KSR2: variants seen among roughly 807,000 people sequenced by gnomAD.
KSR2 encodes kinase suppressor of ras 2.
A neutral mutation model predicts 107.8 loss-of-function variants in KSR2; 25 were observed. That is an observed-to-expected ratio of 0.23 (90% CI 0.17 to 0.32). The LOEUF is 0.32. KSR2 is among the 10% of genes least tolerant of loss of function. KSR2 has a pLI of 1.00. For synonymous variants in KSR2, 480 were observed against 507.0 expected (o/e 0.95, Z 0.71); for missense variants, 887 against 1,268.9 (o/e 0.70, Z 4.57).
chr12:117,618,666 C>T (rs1463685560), intron 5 of KSR2, among the ~76,000 whole-genome samples: 1 of 152,082 alleles, frequency 6.6e-6, no homozygotes, highest in Admixed American at 6.6e-5. Flanking sequence ...CTCATAAGAT[C>T]TGATGGTTTT....
chr12:117,686,566 A>ATAAAAAAGCTCATTGTCATCTGGAT (rs1340856184), intron 4 of KSR2, among the ~76,000 whole-genome samples: 2 of 152,078 alleles, frequency 1.3e-5, no homozygotes, highest in Non-Finnish European at 2.9e-5. Context: ...TAACACCTGG[A>ATAAAAAAGCTCATTGTCATCTGGAT]TAAAAAAGCT....
intron 7 of KSR2, among the ~76,000 whole-genome samples, chr12:117,574,280 C>T (rs1432947449): frequency 1.3e-5 from 2 of 151,916 alleles, no homozygotes; most frequent in African/African-American, 4.8e-5. Flanking sequence ...TGAAAAGTAG[C>T]TCAGGAAAGA....
chr12:117,522,648 T>C (rs1191134189), intron 14 of KSR2, among the ~76,000 whole-genome samples: 1 of 152,130 alleles, frequency 6.6e-6, no homozygotes, highest in Non-Finnish European at 1.5e-5. Context: ...CTCCATGCCT[T>C]GAATCTAGTG....
chr12:117,490,955 G>C (rs1339403860), intron 14 of KSR2, among the ~76,000 whole-genome samples: 4 of 152,102 alleles, frequency 2.6e-5, no homozygotes, highest in Non-Finnish European at 5.9e-5. Flanking sequence ...TACTCCCTCA[G>C]CAATTTTCAA....
intron 5 of KSR2, among the ~76,000 whole-genome samples, chr12:117,620,661 C>T (rs1200779802): frequency 6.6e-6 from 1 of 152,174 alleles, no homozygotes; most frequent in Non-Finnish European, 1.5e-5. Flanking sequence ...CCAATATCAG[C>T]AGCAAAGACT....
Position 117,895,114 on chromosome 12 carries a change from G to A in KSR2, c.181-34683C>T, listed in dbSNP as rs116025225. Among the ~76,000 whole-genome samples the A allele has an allele frequency of 6.1e-3, 926 of 152,096 alleles. 8 individuals are homozygous for A. Among genetic ancestry groups the A allele is most frequent in the African/African-American group, 0.021 (857 of 41,482 alleles). On this transcript the variant is annotated intron_variant, in intron 1 of 19. Coordinates refer to ENST00000339824, the MANE Select transcript of KSR2 (RefSeq NM_173598.6). The stretch of plus-strand genomic sequence containing the variant: ...GGTGTGGTGGCACAAACCTGTGCCT[G>A]TAGTTCCAGCTACTCGGGAGGCTGA...
In KSR2 at chr12:117,789,976, G is replaced by A. The variant is rs1317729145; in HGVS notation, c.473-28452C>T. On this transcript the variant is annotated intron_variant, in intron 3 of 19. Coordinates refer to ENST00000339824, the MANE Select transcript of KSR2 (RefSeq NM_173598.6). ...TTTTTGCTAAATCTTAGAGGTATCTGGAGGAAGACACGCTGGACCCTAGAC... is the reference window on the plus strand; with the variant it reads ...TTTTTGCTAAATCTTAGAGGTATCTAGAGGAAGACACGCTGGACCCTAGAC... Among the ~76,000 whole-genome samples, 4 of 152,244 alleles carry A rather than the reference G, an allele frequency of 2.6e-5. No individual in the cohort carries two copies. In the East Asian group the frequency reaches 7.7e-4, roughly 29 times the overall value.
intron 10 of KSR2, among the ~76,000 whole-genome samples, chr12:117,539,277 C>G (rs1168360498): frequency 6.6e-6 from 1 of 152,214 alleles, no homozygotes; most frequent in Non-Finnish European, 1.5e-5. Flanking sequence ...CAGCCCTGCT[C>G]AGACATGTGC....
chr12:117,956,177 G>C (rs2137587624), intron 1 of KSR2, among the ~76,000 whole-genome samples: 1 of 148,632 alleles, frequency 6.7e-6, no homozygotes, highest in Admixed American at 6.8e-5. Flanking sequence ...ATGAACCTGG[G>C]AGGCGGAGCT....
intron 4 of KSR2, among the ~76,000 whole-genome samples, chr12:117,706,039 C>CTTT (rs35761064): frequency 5.7e-4 from 65 of 114,656 alleles, no homozygotes; most frequent in Non-Finnish European, 6.9e-4. Flanking sequence ...GTTGTTGGGT[C>CTTT]TTTTTTTTTT....
chr12:117,879,530 C>T (rs1191168582), intron 1 of KSR2, among the ~76,000 whole-genome samples: 2 of 152,090 alleles, frequency 1.3e-5, no homozygotes, highest in African/African-American at 2.4e-5. Flanking sequence ...GCCTGGGCAA[C>T]GTGGCAAAAC....
chr12:117,472,900 C>T (rs10850832), intron 17 of KSR2, among the ~76,000 whole-genome samples: 26,083 of 152,010 alleles, frequency 0.17, 2,348 homozygotes, highest in Admixed American at 0.21. Context: ...GGAGGGTCTG[C>T]CCCTTCCAGG....
At chr12:117,619,834 G>T (rs1163976225) in intron 5 of KSR2, among the ~76,000 whole-genome samples, 4 of 151,656 alleles carry the variant, frequency 2.6e-5, no homozygotes, top group Non-Finnish European at 5.9e-5. Context: ...CTCATTTTAA[G>T]TGCACAATTC....
chr12:117,865,684 T>G (rs893350792), intron 1 of KSR2, among the ~76,000 whole-genome samples: 16 of 151,992 alleles, frequency 1.1e-4, no homozygotes, highest in African/African-American at 3.9e-4. Flanking sequence ...AGAGGTAATA[T>G]CAACTTGGAA....
chr12:117,836,566 G>A (rs1214233157), intron 3 of KSR2, among the ~76,000 whole-genome samples: 1 of 152,144 alleles, frequency 6.6e-6, no homozygotes, highest in Non-Finnish European at 1.5e-5. Flanking sequence ...CAAAGACAGA[G>A]GTTCCGATAG....
At chr12:117,556,390 G>A (rs534065292) in intron 8 of KSR2, among the ~76,000 whole-genome samples, 2 of 152,302 alleles carry the variant, frequency 1.3e-5, no homozygotes, top group African/African-American at 2.4e-5. Context: ...CAAGGGAGGT[G>A]AGAATTCAGG....
At chr12:117,482,209 G>T (rs917534555) in intron 16 of KSR2, among the ~76,000 whole-genome samples, 3 of 151,916 alleles carry the variant, frequency 2.0e-5, no homozygotes, top group African/African-American at 7.3e-5. Context: ...AGATGAGAGA[G>T]ACCCCATCAG....
chr12:117,947,198 A>T (rs1566094514), intron 1 of KSR2, among the ~76,000 whole-genome samples: 1 of 36,806 alleles, frequency 2.7e-5, no homozygotes. Flanking sequence ...AAAGAAAGAA[A>T]AGAAAGAAAA....
intron 3 of KSR2, among the ~76,000 whole-genome samples, chr12:117,843,031 A>G (rs932784662): frequency 6.8e-6 from 1 of 146,858 alleles, no homozygotes; most frequent in Non-Finnish European, 1.5e-5. Context: ...TTTAAAAACA[A>G]TAAAAATAAT....
Sources: allele counts gnomAD v4.1 joint callset (sites outside exome capture counted in the v4.1 genomes callset), GRCh38; gene constraint gnomAD v4.1.1; transcripts MANE v1.5; gene names NCBI Gene and HGNC (gene_info 2026-07-23, HGNC 2026-07-21).